The following PSD2 variants were observed in gnomAD, a reference collection of about 807,000 sequenced individuals.
The protein encoded by PSD2 is PH and SEC7 domain-containing protein 2.
A neutral mutation model predicts 69.8 loss-of-function variants in PSD2; 38 were observed. The ratio of observed to expected loss-of-function variants is 0.54; its 90% CI spans 0.42 to 0.71. PSD2 has a LOEUF of 0.71. PSD2 is among the 30% of genes least tolerant of loss of function. PSD2 has a pLI of 0.00. For synonymous variants in PSD2, 412 were observed against 423.0 expected (o/e 0.97, Z 0.32); for missense variants, 943 against 1,014.5 (o/e 0.93, Z 0.96).
In PSD2 at chr5:139,837,089, G is replaced by T. The variant is rs528166448; in HGVS notation, c.1595-79G>T. The T allele has an allele frequency of 1.3e-4, 206 of 1,598,568 alleles. No homozygotes were observed. Among genetic ancestry groups the T allele is most frequent in the Non-Finnish European group, 1.7e-4 (194 of 1,169,118 alleles). ...CCACTCTTTGGGGACGAACATACAG[G>T]TGGACACGTAGTGGGAGGTGGGGTT... On this transcript the variant is annotated intron_variant, in intron 10 of 14. Transcript: ENST00000274710. This position sits in a 1 kb window ranked among gnomAD's most constrained non-coding sequence, Gnocchi z 5.0.
the PSD2 span, among the ~76,000 whole-genome samples, chr5:139,766,956 T>TCTTC: frequency 5.1e-5 from 7 of 136,226 alleles, no homozygotes; most frequent in Non-Finnish European, 1.1e-4. Flanking sequence ...TTTCTTTCTT[T>TCTTC]CTTTCTTTCT....
At chr5:139,802,652 AG>A (rs1487475227) in intron 1 of PSD2, among the ~76,000 whole-genome samples, 2 of 152,152 alleles carry the variant, frequency 1.3e-5, no homozygotes, top group Non-Finnish European at 2.9e-5. Context: ...TTCACCCCGT[AG>A]GGAAGTCAGT....
At chr5:139,751,790 CTT>C in the PSD2 span, among the ~76,000 whole-genome samples, 26 of 120,382 alleles carry the variant, frequency 2.2e-4, no homozygotes, top group Middle Eastern at 4.3e-3. Flanking sequence ...AGGGTCCAGC[CTT>C]TTTTTTTTTT....
chr5:139,817,288 C>A (rs1349613876), intron 4 of PSD2, among the ~76,000 whole-genome samples, 193 bp from the exon 5 acceptor site: 2 of 152,158 alleles, frequency 1.3e-5, no homozygotes, highest in Non-Finnish European at 2.9e-5. Flanking sequence ...TGAGACATCA[C>A]CTCCTCCAGA....
chr5:139,760,855 G>A, the PSD2 span, among the ~76,000 whole-genome samples: 6 of 152,206 alleles, frequency 3.9e-5, no homozygotes, highest in East Asian at 9.7e-4. Flanking sequence ...AGAGAATGAT[G>A]TACTGATGAT....
intron 4 of PSD2, among the ~76,000 whole-genome samples, chr5:139,816,612 T>A (rs979197570): frequency 2.0e-5 from 3 of 152,368 alleles, no homozygotes; most frequent in South Asian, 2.1e-4. Context: ...TAGAATCAGG[T>A]GGAAATTTGT....
intron 1 of PSD2, among the ~76,000 whole-genome samples, chr5:139,801,375 C>T (rs762596531): frequency 2.0e-5 from 3 of 152,162 alleles, no homozygotes; most frequent in Non-Finnish European, 4.4e-5. Context: ...CCTGTCGCTG[C>T]ACCCAGTGGT....
chr5:139,753,239 G>A, the PSD2 span, among the ~76,000 whole-genome samples: 166 of 152,348 alleles, frequency 1.1e-3, no homozygotes, highest in African/African-American at 3.6e-3. Context: ...GACACGAGAA[G>A]GGACTTGCCC....
At chr5:139,767,992 CAAG>C in the PSD2 span, among the ~76,000 whole-genome samples, 1 of 152,234 alleles carries the variant, frequency 6.6e-6, no homozygotes, top group Admixed American at 6.5e-5. Context: ...GAGAGAGGGA[CAAG>C]AAGACCTTGA....
rs1174928799 is a variant in PSD2, at chr5:139,814,784, A to G, written c.1016+420A>G. Among the ~76,000 whole-genome samples the G allele has an allele frequency of 6.6e-6, 1 of 151,980 alleles. No individual in the cohort carries two copies. Among genetic ancestry groups the G allele is most frequent in the Non-Finnish European group, 1.5e-5 (1 of 67,960 alleles). ...GGGCTCCTGGCCTTCATTAAGCCCT[A>G]CTATCTATTGGGACAAGCTGAAGGG... is the stretch of plus-strand genomic sequence containing the variant. On this transcript the variant is annotated intron_variant, in intron 4 of 14. Transcript: ENST00000274710. The surrounding 1 kb of genome is among the most constrained non-coding windows in gnomAD (Gnocchi z 4.4).
At chr5:139,824,583 A>C (rs1170442719) in intron 7 of PSD2, among the ~76,000 whole-genome samples, 1 of 151,778 alleles carries the variant, frequency 6.6e-6, no homozygotes, top group East Asian at 1.9e-4. Context: ...TTTTTAGTAG[A>C]GATGTCTCTC....
intron 1 of PSD2, among the ~76,000 whole-genome samples, chr5:139,796,559 G>A (rs1277854895): frequency 1.3e-5 from 2 of 152,254 alleles, no homozygotes; most frequent in Non-Finnish European, 2.9e-5. Flanking sequence ...TCAGGGCTGA[G>A]GAGGCACATA....
the PSD2 span, among the ~76,000 whole-genome samples, chr5:139,783,355 T>A: frequency 6.6e-6 from 1 of 152,190 alleles, no homozygotes; most frequent in Non-Finnish European, 1.5e-5. Context: ...GGCAGAAGGA[T>A]CGCTTGAGCC....
At chr5:139,812,016 C>T (rs1320647862) in intron 2 of PSD2, among the ~76,000 whole-genome samples, 1 of 152,138 alleles carries the variant, frequency 6.6e-6, no homozygotes, top group African/African-American at 2.4e-5. Context: ...CCTTCCTTCC[C>T]TGTGTACCTG....
At position 139,837,168 on chromosome 5, in the gene PSD2, C is replaced by A. The variant is rs143062229; in HGVS notation, c.1595C>A (p.Thr532Lys). The change falls in exon 11 of 15, where the codon ACG (threonine) becomes AAG (lysine). Residue 532 changes from threonine to lysine, a missense_variant and splice_region_variant. Physicochemically the swap from Thr to Lys is moderately conservative, Grantham distance 78 (BLOSUM62 -1). This residue lies in a region of PSD2 where 312 missense variants were observed against 400.7 expected (regional missense o/e 0.78). Transcript: ENST00000274710. This position sits in a 1 kb window ranked among gnomAD's most constrained non-coding sequence, Gnocchi z 5.0. ...KTHADMDGKR[T>K]PRGRRGWKKF... ...ACACTACCAGTGCCCTCCTCCCCAG[C>A]GCCCCGTGGGAGGCGTGGCTGGAAG... 39 of 1,613,828 alleles carry A rather than the reference C, an allele frequency of 2.4e-5. No individual in the cohort carries two copies. The highest frequency in any genetic ancestry group is 3.1e-5 in the Non-Finnish European group (37 of 1,179,862).
At position 139,838,535 on chromosome 5, in the gene PSD2, C is replaced by A; in HGVS notation, c.1824-93C>A. ...CCATCTAGAGGTACTGGTGCCTTCT[C>A]AGTGCCAGGCCCAGTGCTGGGTACG... On this transcript the variant is annotated intron_variant, in intron 12 of 14. Coordinates refer to ENST00000274710, the MANE Select transcript of PSD2 (RefSeq NM_032289.4). The A allele has an allele frequency of 9.9e-6, 14 of 1,413,312 alleles. No individual in the cohort carries two copies. In the South Asian group the frequency reaches 1.8e-4, roughly 18 times the overall value. The allele number at this position is 1,413,312 out of a possible 1,614,324, so 87.5% of individuals were successfully genotyped here.
At chr5:139,758,148 A>G in the PSD2 span, among the ~76,000 whole-genome samples, 1 of 152,114 alleles carries the variant, frequency 6.6e-6, no homozygotes, top group Non-Finnish European at 1.5e-5. Context: ...GGCCACAGAT[A>G]GATGTAGGGG....
rs1420616365 is a variant in PSD2, at chr5:139,837,399, G to A, written c.1665+161G>A. Reference sequence around the variant, plus strand: ...CTCTCAGGGCTTTGGAGGTTTTTGGGAGAACTTGGTGCCCAGTGGCTCAGT... The same window carrying A: ...CTCTCAGGGCTTTGGAGGTTTTTGGAAGAACTTGGTGCCCAGTGGCTCAGT... On this transcript the variant is annotated intron_variant, in intron 11 of 14. Transcript: ENST00000274710. The surrounding 1 kb of genome is among the most constrained non-coding windows in gnomAD (Gnocchi z 5.0). 6.6e-6 allele frequency among the ~76,000 whole-genome samples: 1 copy of A among 152,202 alleles called. No individual in the cohort carries two copies. Among genetic ancestry groups the A allele is most frequent in the Non-Finnish European group, 1.5e-5 (1 of 68,026 alleles).
the PSD2 span, among the ~76,000 whole-genome samples, chr5:139,766,993 C>A: frequency 7.2e-6 from 1 of 138,036 alleles, no homozygotes; most frequent in East Asian, 2.1e-4. Context: ...TTCTTTCTTT[C>A]TTTCCTTCTT....
Sources: allele counts gnomAD v4.1 joint callset (sites outside exome capture counted in the v4.1 genomes callset), GRCh38; gene constraint gnomAD v4.1.1; regional missense constraint gnomAD v4.1.1; non-coding constraint Gnocchi (gnomAD v3.1); transcripts MANE v1.5; gene names NCBI Gene and HGNC (gene_info 2026-07-23, HGNC 2026-07-21).